AGBL3: variants seen among roughly 807,000 people sequenced by gnomAD.
AGBL3 encodes cytosolic carboxypeptidase 3.
In AGBL3, 68 loss-of-function variants were observed where a neutral mutation model predicts 94.5. The observed-to-expected ratio is 0.72, with a 90% CI of 0.59 to 0.88. AGBL3 has a LOEUF of 0.88. AGBL3 is among the 40% of genes least tolerant of loss of function. AGBL3 has a pLI of 0.00. For synonymous variants in AGBL3, 354 were observed against 370.7 expected, an observed-to-expected ratio of 0.95 and a Z score of 0.52; for missense variants, 934 against 1,103.8, an observed-to-expected ratio of 0.85 and a Z score of 2.18.
At chr7:135,096,775 G>GAA (rs1554516788) in intron 15 of AGBL3, among the ~76,000 whole-genome samples, 1 of 148,540 alleles carries the variant, frequency 6.7e-6, no homozygotes, top group Non-Finnish European at 1.5e-5. Context: ...AAGAAAGAAA[G>GAA]AAAGAAAGAA....
At chr7:135,107,462 T>C (rs989940601) in intron 15 of AGBL3, among the ~76,000 whole-genome samples, 1 of 152,226 alleles carries the variant, frequency 6.6e-6, no homozygotes, top group Non-Finnish European at 1.5e-5. Flanking sequence ...TGCCTTAACT[T>C]CATTATTTAC....
intron 15 of AGBL3, among the ~76,000 whole-genome samples, chr7:135,107,951 G>C (rs1824999807): frequency 6.6e-6 from 1 of 151,928 alleles, no homozygotes; most frequent in Non-Finnish European, 1.5e-5. Flanking sequence ...ATTGAGCCCT[G>C]ATTACCATTA....
intron 11 of AGBL3, among the ~76,000 whole-genome samples, chr7:135,051,857 A>G (rs1256800423): frequency 6.6e-6 from 1 of 152,068 alleles, no homozygotes; most frequent in East Asian, 1.9e-4. Context: ...GCAGTTTAAC[A>G]TTTCTTTGTA....
intron 16 of AGBL3, among the ~76,000 whole-genome samples, chr7:135,126,336 G>A (rs866846494): frequency 2.0e-5 from 3 of 152,066 alleles, no homozygotes; most frequent in African/African-American, 7.2e-5. Context: ...AGCTAACAAG[G>A]GATGTGAAGG....
intron 4 of AGBL3, chr7:134,995,660 G>A (rs1282972086): frequency 6.6e-6 from 1 of 152,120 alleles, no homozygotes; most frequent in Non-Finnish European, 1.5e-5. Context: ...AATAGACTTT[G>A]GGCCCTGTGA....
chr7:135,074,992 TAACTTTTAAAAATTA>T (rs1820316884), intron 12 of AGBL3, among the ~76,000 whole-genome samples: 1 of 152,248 alleles, frequency 6.6e-6, no homozygotes, highest in Non-Finnish European at 1.5e-5. Flanking sequence ...AATTAAATTC[TAACTTTTAAAAATTA>T]AACTTTTAAT....
intron 11 of AGBL3, among the ~76,000 whole-genome samples, chr7:135,047,224 T>C (rs1584936757): frequency 6.6e-6 from 1 of 152,098 alleles, no homozygotes; most frequent in African/African-American, 2.4e-5. Flanking sequence ...TGTTAACTTA[T>C]TGCAGAATTT....
At chr7:135,125,887 A>G (rs1160715501) in intron 16 of AGBL3, among the ~76,000 whole-genome samples, 1 of 152,236 alleles carries the variant, frequency 6.6e-6, no homozygotes, top group Non-Finnish European at 1.5e-5. Context: ...TATTGATGGA[A>G]CATATCTCAA....
At chr7:135,115,839 T>TA in intron 16 of AGBL3, 1 of 449,500 alleles carries the variant, frequency 2.2e-6, no homozygotes, top group Non-Finnish European at 4.0e-6. Flanking sequence ...AAACTACTCA[T>TA]TAATTTAGAT....
chr7:135,133,574 C>T (rs1829086439), intron 16 of AGBL3, among the ~76,000 whole-genome samples: 2 of 152,092 alleles, frequency 1.3e-5, no homozygotes, highest in African/African-American at 4.8e-5. Context: ...GAGAAATAAA[C>T]ATACACATCA....
chr7:135,055,449 G>A (rs1818257906), intron 11 of AGBL3, among the ~76,000 whole-genome samples: 1 of 152,246 alleles, frequency 6.6e-6, no homozygotes, highest in South Asian at 2.1e-4. Flanking sequence ...CCTCTACTTC[G>A]TTAGCTGAGA....
chr7:135,021,314 C>T (rs1340450882), intron 5 of AGBL3, among the ~76,000 whole-genome samples: 4 of 144,504 alleles, frequency 2.8e-5, no homozygotes, highest in Non-Finnish European at 3.0e-5. Flanking sequence ...TTTTTTGAGA[C>T]AGAGTCTCGC....
At chr7:135,090,987 G>C (rs977230361) in intron 15 of AGBL3, among the ~76,000 whole-genome samples, 1 of 152,128 alleles carries the variant, frequency 6.6e-6, no homozygotes, top group Non-Finnish European at 1.5e-5. Context: ...TGGAGTCCAG[G>C]CAGCTCCTTC....
At chr7:135,068,119 T>C (rs1584993111) in intron 12 of AGBL3, among the ~76,000 whole-genome samples, 1 of 152,276 alleles carries the variant, frequency 6.6e-6, no homozygotes, top group African/African-American at 2.4e-5. Context: ...TTCGATCAAC[T>C]GGAAGAAAGG....
chr7:135,030,690 G>GT (rs1478920659), intron 5 of AGBL3, among the ~76,000 whole-genome samples: 13 of 151,880 alleles, frequency 8.6e-5, no homozygotes, highest in African/African-American at 2.4e-5. Flanking sequence ...TTTCTTTCAT[G>GT]TTTTTTAGAA....
intron 9 of AGBL3, among the ~76,000 whole-genome samples, chr7:135,044,589 A>C (rs531844934): frequency 3.0e-4 from 46 of 152,322 alleles, no homozygotes; most frequent in Middle Eastern, 3.4e-3. Flanking sequence ...TTTTAGTTAC[A>C]GCTAGCATAT....
At chr7:135,059,060 T>C in intron 11 of AGBL3, 109 bp from the exon 12 acceptor site, 1 of 894,146 alleles carries the variant, frequency 1.1e-6, no homozygotes, top group East Asian at 2.8e-5. Flanking sequence ...CCCGGCCACT[T>C]CTTATAATTA....
intron 11 of AGBL3, among the ~76,000 whole-genome samples, chr7:135,046,833 A>T (rs911172917): frequency 2.0e-5 from 3 of 152,076 alleles, no homozygotes; most frequent in African/African-American, 7.2e-5. Flanking sequence ...CTTTGAGTAG[A>T]TATCAAGGAG....
chr7:135,012,769 C>A (rs892865641), intron 4 of AGBL3, among the ~76,000 whole-genome samples: 1 of 152,054 alleles, frequency 6.6e-6, no homozygotes, highest in Non-Finnish European at 1.5e-5. Context: ...CTCTACCTCA[C>A]TAGTAAACAA....
Sources: gnomAD v4.1 joint callset for allele counts (sites outside exome capture counted in the v4.1 genomes callset) on GRCh38, gnomAD v4.1.1 for gene constraint, MANE v1.5 for transcripts, NCBI Gene and HGNC (gene_info 2026-07-23, HGNC 2026-07-21) for gene names.